PCDHGB7: variants seen among roughly 807,000 people sequenced by gnomAD.
The protein encoded by PCDHGB7 is protocadherin gamma subfamily B, 7, also known as protocadherin gamma-B7.
PCDHGB7 carries 37 observed loss-of-function variants against 61.4 expected under a neutral mutation model. That is an observed-to-expected ratio of 0.60 (90% CI 0.46 to 0.79). The LOEUF (loss-of-function observed/expected upper bound fraction) is 0.79. Ranked by LOEUF, PCDHGB7 falls within the 30% of genes least tolerant of loss-of-function variation. PCDHGB7 has a pLI of 0.00. For synonymous variants in PCDHGB7, 464 were observed against 503.5 expected (o/e 0.92, Z 1.05); for missense variants, 1,166 against 1,202.5 (o/e 0.97, Z 0.45).
At chr5:141,439,496 G>A (rs1166315364) in intron 1 of PCDHGB7, among the ~76,000 whole-genome samples, 2 of 152,152 alleles carry the variant, frequency 1.3e-5, no homozygotes, top group Non-Finnish European at 2.9e-5. Context: ...AGTGAGAAAC[G>A]TCTTTCTCTC....
chr5:141,421,043 C>G (rs1201118615), intron 1 of PCDHGB7: 2 of 548,238 alleles, frequency 3.6e-6, no homozygotes, highest in Non-Finnish European at 6.3e-6. Flanking sequence ...CCTCCCTCCC[C>G]CGCCTCTACC....
chr5:141,427,023 G>A, intron 1 of PCDHGB7: 1 of 456,968 alleles, frequency 2.2e-6, no homozygotes, highest in Non-Finnish European at 4.4e-6. Flanking sequence ...TGTATACAAA[G>A]TCAGCCTTAG....
chr5:141,427,975 C>T lies in PCDHGB7; in HGVS notation c.2415+7701C>T, dbSNP rs757718263. ...AATGTGCCGCGGGTGCTGTACCCCGCGCTGGGGCCCGATGGCTCCGCACTC... is the reference window on the plus strand; with the variant it reads ...AATGTGCCGCGGGTGCTGTACCCCGTGCTGGGGCCCGATGGCTCCGCACTC... On this transcript the variant is annotated intron_variant, in intron 1 of 3. Transcript: ENST00000398594. The T allele has an allele frequency of 1.9e-6, 3 of 1,594,600 alleles. No individual in the cohort carries two copies. In the South Asian group the frequency reaches 3.3e-5, roughly 18 times the overall value.
chr5:141,501,125 C>A (rs2099805699), intron 2 of PCDHGB7, among the ~76,000 whole-genome samples: 1 of 152,140 alleles, frequency 6.6e-6, no homozygotes, highest in South Asian at 2.1e-4. Context: ...CCTCAGCCTC[C>A]CTAAGTGCTG....
At chr5:141,461,966 G>A (rs2099027516) in intron 1 of PCDHGB7, among the ~76,000 whole-genome samples, 1 of 152,162 alleles carries the variant, frequency 6.6e-6, no homozygotes, top group African/African-American at 2.4e-5. Context: ...TGGGATTCCA[G>A]GCATATGCCA....
At chr5:141,503,555 C>T (rs1010409481) in intron 2 of PCDHGB7, among the ~76,000 whole-genome samples, 2 of 148,816 alleles carry the variant, frequency 1.3e-5, no homozygotes, top group African/African-American at 5.0e-5. Context: ...GCCGAGATCG[C>T]GCCACTGTAC....
chr5:141,454,932 C>G (rs945154196), intron 1 of PCDHGB7, among the ~76,000 whole-genome samples: 7 of 150,770 alleles, frequency 4.6e-5, no homozygotes, highest in Non-Finnish European at 1.0e-4. Context: ...CTCAGCCTCC[C>G]GAGTAGCTGG....
chr5:141,421,597 AT>A (rs2096587022), intron 1 of PCDHGB7: 1 of 1,613,878 alleles, frequency 6.2e-7, no homozygotes, highest in Non-Finnish European at 8.5e-7. Flanking sequence ...GGAGGTGGAA[AT>A]AATAGATATT....
rs372245447 is a variant in PCDHGB7, at chr5:141,489,609, C to T, written c.2416-5198C>T. ...AGCTAATCCGTGTAGAGGTAGAGAT[C>T]CTGGATCTCAATGACAACTCTCCTA... On this transcript the variant is annotated intron_variant, in intron 1 of 3. Coordinates refer to ENST00000398594, the MANE Select transcript of PCDHGB7 (RefSeq NM_018927.4). This position sits in a 1 kb window ranked among gnomAD's most constrained non-coding sequence, Gnocchi z 4.5. The T allele has an allele frequency of 1.9e-6, 3 of 1,613,934 alleles. No homozygotes were observed. The African/African-American group carries it at 4.0e-5, about 22-fold the overall frequency.
chr5:141,496,140 T>C (rs1172903212), intron 2 of PCDHGB7, among the ~76,000 whole-genome samples: 1 of 152,006 alleles, frequency 6.6e-6, no homozygotes, highest in Admixed American at 6.6e-5. Flanking sequence ...CACTGAGCCT[T>C]TGATCGCAGC....
intron 2 of PCDHGB7, among the ~76,000 whole-genome samples, chr5:141,502,564 C>T (rs2099815067): frequency 1.3e-5 from 2 of 151,774 alleles, no homozygotes; most frequent in East Asian, 1.9e-4. Context: ...CCAGATCTCT[C>T]CATTATAAAA....
intron 1 of PCDHGB7, among the ~76,000 whole-genome samples, chr5:141,469,403 C>T (rs902543178): frequency 4.6e-5 from 7 of 152,060 alleles, no homozygotes; most frequent in South Asian, 2.1e-4. Context: ...GGTGAAACCC[C>T]GTTTCTACTA....
At chr5:141,482,458 C>T (rs986628162) in intron 1 of PCDHGB7, among the ~76,000 whole-genome samples, 1 of 147,624 alleles carries the variant, frequency 6.8e-6, no homozygotes, top group Non-Finnish European at 1.5e-5. Context: ...ATTAGCATCC[C>T]TATGTGCCAG....
At chr5:141,488,159 C>T (rs888153570) in intron 1 of PCDHGB7, among the ~76,000 whole-genome samples, 1 of 152,126 alleles carries the variant, frequency 6.6e-6, no homozygotes, top group Non-Finnish European at 1.5e-5. Flanking sequence ...GAGAGGCACG[C>T]ATCAGAGTGG....
At chr5:141,450,080 C>G (rs140080701) in intron 1 of PCDHGB7, among the ~76,000 whole-genome samples, 6,313 of 144,358 alleles carry the variant, frequency 0.044, 398 homozygotes, top group Admixed American at 0.19. Context: ...GATCTTGGCT[C>G]ACTGCAACCT....
Position 141,491,067 on chromosome 5 carries a change from G to A in PCDHGB7, c.2416-3740G>A, listed in dbSNP as rs752758445. On this transcript the variant is annotated intron_variant, in intron 1 of 3. Coordinates refer to ENST00000398594, the MANE Select transcript of PCDHGB7 (RefSeq NM_018927.4). This position sits in a 1 kb window ranked among gnomAD's most constrained non-coding sequence, Gnocchi z 6.9. ...ACAATGCGTGGCTCTCCTACTCACT[G>A]TTGCCACAGTCCACAGCCCCAGGAC... is the stretch of plus-strand genomic sequence containing the variant. 6.2e-7 allele frequency: 1 copy of A among 1,614,200 alleles called. No individual in the cohort carries two copies. Among genetic ancestry groups the A allele is most frequent in the East Asian group, 2.2e-5 (1 of 44,892 alleles).
chr5:141,492,398 C>T (rs1347317333), intron 1 of PCDHGB7, among the ~76,000 whole-genome samples: 2 of 152,244 alleles, frequency 1.3e-5, no homozygotes, highest in Non-Finnish European at 1.5e-5. Flanking sequence ...CCACTCGCAG[C>T]TCCCCTCTGC....
intron 1 of PCDHGB7, 79 bp from the exon 2 acceptor site, chr5:141,494,728 C>T (rs2099756337): frequency 1.2e-6 from 2 of 1,609,984 alleles, no homozygotes; most frequent in Admixed American, 3.3e-5. Context: ...TCCTTCTCTC[C>T]CGGCCCATCC....
At chr5:141,492,447 T>G (rs920078908) in intron 1 of PCDHGB7, among the ~76,000 whole-genome samples, 13 of 152,300 alleles carry the variant, frequency 8.5e-5, no homozygotes, top group Middle Eastern at 3.4e-3. Context: ...CGTAGCTGAT[T>G]GTGCGCGCCT....
Sources: allele counts gnomAD v4.1 joint callset (sites outside exome capture counted in the v4.1 genomes callset), GRCh38; gene constraint gnomAD v4.1.1; non-coding constraint Gnocchi (gnomAD v3.1); transcripts MANE v1.5; gene names NCBI Gene and HGNC (gene_info 2026-07-23, HGNC 2026-07-21).